The following RAB11B variants were observed in gnomAD, a reference collection of about 807,000 sequenced individuals.
RAB11B encodes ras-related protein Rab-11B.
RAB11B carries 7 observed loss-of-function variants against 23.7 expected under a neutral mutation model. The ratio of observed to expected loss-of-function variants is 0.29; its 90% CI spans 0.17 to 0.55. RAB11B has a LOEUF of 0.55. Ranked by LOEUF, RAB11B falls within the 20% of genes least tolerant of loss-of-function variation. The probability of loss-of-function intolerance (pLI) is 0.93; values close to 1 mark genes in which losing one functional copy is unlikely to be tolerated. For synonymous variants in RAB11B, 138 were observed against 132.0 expected, an observed-to-expected ratio of 1.05 and a Z score of -0.31; for missense variants, 189 against 320.0, an observed-to-expected ratio of 0.59 and a Z score of 3.12.
chr19:8,390,573 C>A, intron 1 of RAB11B, 117 bp downstream of exon 1: 1 of 1,149,250 alleles, frequency 8.7e-7, no homozygotes, highest in Non-Finnish European at 1.1e-6. Context: ...TGGGGCCCGG[C>A]GGGTCAGGCA....
chr19:8,393,209 A>C (rs1023529432), intron 1 of RAB11B, among the ~76,000 whole-genome samples: 1 of 152,046 alleles, frequency 6.6e-6, no homozygotes, highest in Non-Finnish European at 1.5e-5. Context: ...GGCCATTTTC[A>C]TAGCCTGCCA....
intron 1 of RAB11B, among the ~76,000 whole-genome samples, chr19:8,395,160 A>T (rs1208575507): frequency 6.6e-6 from 1 of 151,248 alleles, no homozygotes; most frequent in Non-Finnish European, 1.5e-5. Context: ...GGGCCCTCAC[A>T]GTGAGTCCAT....
At position 8,399,957 on chromosome 19, in the gene RAB11B, C is replaced by G; in HGVS notation, c.135C>G (p.Gly45=). Residue 45 remains glycine (G), a synonymous_variant, in exon 2 of 5, where the codon GGC becomes GGG. Transcript: ENST00000328024. The stretch of plus-strand genomic sequence containing the variant: ...ACCTGGAGAGCAAGAGCACCATCGG[C>G]GTGGAGTTCGCCACCCGCAGCATCC... ...EFNLESKSTI[G]VEFATRSIQV... The G allele has an allele frequency of 6.2e-7, 1 of 1,614,196 alleles. No homozygotes were observed. Among genetic ancestry groups the G allele is most frequent in the Non-Finnish European group, 8.5e-7 (1 of 1,180,018 alleles).
At chr19:8,392,746 AGTGG>A (rs1971367610) in intron 1 of RAB11B, among the ~76,000 whole-genome samples, 1 of 118,568 alleles carries the variant, frequency 8.4e-6, no homozygotes, top group South Asian at 2.7e-4. Context: ...CCTGGAGTGC[AGTGG>A]CGCAATCTCG....
intron 2 of RAB11B, 179 bp downstream of exon 2, chr19:8,400,237 C>T (rs186548738): frequency 1.6e-5 from 12 of 772,428 alleles, no homozygotes; most frequent in South Asian, 7.1e-5. Flanking sequence ...GGCTGACCAG[C>T]GCCCAGCCTT....
chr19:8,401,680 C>T (rs989357217), intron 2 of RAB11B, among the ~76,000 whole-genome samples: 3 of 152,074 alleles, frequency 2.0e-5, no homozygotes, highest in East Asian at 1.9e-4. Context: ...CCACGACCCC[C>T]GGCCAATTTT....
At chr19:8,391,888 C>G (rs78891200) in intron 1 of RAB11B, among the ~76,000 whole-genome samples, 1 of 151,868 alleles carries the variant, frequency 6.6e-6, no homozygotes, top group East Asian at 1.9e-4. Context: ...CTACAAGGGC[C>G]TAGAGTCGTC....
At chr19:8,402,942 C>T (rs868228472) in intron 4 of RAB11B, 8 of 420,988 alleles carry the variant, frequency 1.9e-5, no homozygotes, top group South Asian at 2.9e-5. Flanking sequence ...GGATTACAGG[C>T]GTGAGCCACT....
chr19:8,400,717 G>T (rs1284116595), intron 2 of RAB11B, among the ~76,000 whole-genome samples: 2 of 151,984 alleles, frequency 1.3e-5, no homozygotes, highest in Non-Finnish European at 2.9e-5. Flanking sequence ...CTCCCAAGTA[G>T]CTGGGATTAT....
chr19:8,390,675 C>T (rs1056554703), intron 1 of RAB11B: 3 of 443,222 alleles, frequency 6.8e-6, no homozygotes, highest in Admixed American at 9.2e-5. Flanking sequence ...CCTGGGGGAC[C>T]TAGGACGCGC....
intron 1 of RAB11B, among the ~76,000 whole-genome samples, chr19:8,399,244 C>T (rs377401827): frequency 1.8e-4 from 28 of 152,184 alleles, no homozygotes; most frequent in African/African-American, 5.8e-4. Flanking sequence ...TGAGCCACCG[C>T]GCCCGGGTAC....
chr19:8,402,654 C>A, intron 4 of RAB11B, 89 bp downstream of exon 4: 2 of 929,930 alleles, frequency 2.2e-6, no homozygotes, highest in Non-Finnish European at 3.4e-6. Context: ...TGTTCGTTTG[C>A]TTGTTTTTTT....
At chr19:8,397,940 T>C (rs966680864) in intron 1 of RAB11B, among the ~76,000 whole-genome samples, 1 of 152,042 alleles carries the variant, frequency 6.6e-6, no homozygotes, top group African/African-American at 2.4e-5. Context: ...CAACCCACCC[T>C]CAGGTGCCGG....
In RAB11B at chr19:8,401,302, G is replaced by C. The variant is rs1283735326; in HGVS notation, c.237-784G>C. On this transcript the variant is annotated intron_variant, in intron 2 of 4. Transcript: ENST00000328024. ...TCACCGCATTAGCCAGGATGGTCTC[G>C]ATCTCCTGACCTCATGATCTGCCCG... Among the ~76,000 whole-genome samples, 6 of 151,276 alleles carry C rather than the reference G, an allele frequency of 4.0e-5. No homozygotes were observed. In the South Asian group the frequency reaches 1.3e-3, roughly 32 times the overall value.
At position 8,402,138 on chromosome 19, in the gene RAB11B, C is replaced by T; in HGVS notation, c.289C>T (p.Leu97=). The change falls in exon 3 of 5, where the codon CTG becomes TTG. Residue 97 remains leucine (L), a synonymous_variant. Transcript: ENST00000328024. ...GCTGGTGTACGACATCGCCAAGCAC[C>T]TGACCTATGAGAACGTGGAGCGCTG... ...ALLVYDIAKH[L]TYENVERWLK... is the part of the protein sequence containing the mutation. 1 of 1,609,188 alleles carries T rather than the reference C, an allele frequency of 6.2e-7. No homozygotes were observed. The highest frequency in any genetic ancestry group is 8.5e-7 in the Non-Finnish European group (1 of 1,177,896).
chr19:8,402,767 A>T (rs1971448937), intron 4 of RAB11B: 1 of 589,232 alleles, frequency 1.7e-6, no homozygotes, highest in East Asian at 2.9e-5. Context: ...GGTTCAGGCA[A>T]TTCTCCTGCC....
intron 1 of RAB11B, among the ~76,000 whole-genome samples, chr19:8,399,182 T>C (rs1002975928): frequency 6.6e-6 from 1 of 152,028 alleles, no homozygotes; most frequent in African/African-American, 2.4e-5. Flanking sequence ...CTCGATCTCC[T>C]GACCTCGTGA....
Position 8,390,431 on chromosome 19 carries a change from C to A in RAB11B, c.15C>A (p.Asp5Glu). ...GCGCCAGGACAATGGGGACCCGGGACGACGAGTACGACTACCTATTCAAAG... is the reference window on the plus strand; with the variant it reads ...GCGCCAGGACAATGGGGACCCGGGAAGACGAGTACGACTACCTATTCAAAG... The part of the protein sequence containing the change: MGTR[D>E]DEYDYLFKVV... The change falls in exon 1 of 5, where the codon GAC (aspartate) becomes GAA (glutamate). Residue 5 changes from aspartate to glutamate, a missense_variant. By Grantham distance (45) the Asp-to-Glu change is conservative. This residue lies in a region of RAB11B where 20 missense variants were observed against 16.2 expected (regional missense o/e 1.24). Transcript: ENST00000328024. The A allele has an allele frequency of 6.6e-7, 1 of 1,522,278 alleles. No individual in the cohort carries two copies. 94.3% of individuals were successfully genotyped at this position (1,522,278 alleles called of 1,614,324 possible). A position where few individuals can be genotyped will look rare whatever the true frequency, so the allele number is the denominator to read the frequency against.
At position 8,403,777 on chromosome 19, in the gene RAB11B, G is replaced by A. The variant is rs751046318; in HGVS notation, c.*219G>A. 5.4e-4 allele frequency: 327 copies of A among 610,888 alleles called. No individual in the cohort carries two copies. The highest frequency in any genetic ancestry group is 7.6e-4 in the Non-Finnish European group (290 of 380,514). 37.8% of individuals were successfully genotyped at this position (610,888 alleles called of 1,614,324 possible). ...CCGGTTTGCTGCACCCATGAAACTC[G>A]GGTCCCCACAGCGTCTTGGCGGGGT... On this transcript the variant is annotated 3_prime_UTR_variant, in exon 5 of 5. Coordinates refer to ENST00000328024, the MANE Select transcript of RAB11B (RefSeq NM_004218.4).
Sources: gnomAD v4.1 joint callset for allele counts (sites outside exome capture counted in the v4.1 genomes callset) on GRCh38, gnomAD v4.1.1 for gene constraint, gnomAD v4.1.1 regional missense constraint, MANE v1.5 for transcripts, NCBI Gene and HGNC (gene_info 2026-07-23, HGNC 2026-07-21) for gene names.